The following ADPRHL1 variants were observed in gnomAD, a reference collection of about 807,000 sequenced individuals.
The protein encoded by ADPRHL1 is ADP-ribosylhydrolase like 1, also known as inactive ADP-ribosyltransferase ARH2.
A neutral mutation model predicts 44.1 loss-of-function variants in ADPRHL1; 43 were observed. The ratio of observed to expected loss-of-function variants is 0.98; its 90% confidence interval spans 0.76 to 1.26. The LOEUF (loss-of-function observed/expected upper bound fraction) is 1.26. Ranked by LOEUF, ADPRHL1 falls within the 50% of genes most tolerant of loss-of-function variation. The pLI is 0.00. For synonymous variants in ADPRHL1, 878 were observed against 1,017.4 expected, an observed-to-expected ratio of 0.86 and a Z score of 2.61; for missense variants, 2,022 against 2,496.9, an observed-to-expected ratio of 0.81 and a Z score of 4.05.
chr13:113,418,378 C>T (rs12857051), intron 7 of ADPRHL1, among the ~76,000 whole-genome samples: 15,962 of 152,208 alleles, frequency 0.1, 907 homozygotes, highest in Non-Finnish European at 0.12. Flanking sequence ...GTGCTCTGAG[C>T]GGCTGCCCTG....
chr13:113,444,842 C>G (rs766762513), intron 1 of ADPRHL1, among the ~76,000 whole-genome samples: 19 of 152,134 alleles, frequency 1.2e-4, no homozygotes, highest in Non-Finnish European at 2.2e-4. Context: ...CCAGGATGGT[C>G]TCGATCTCCT....
intron 7 of ADPRHL1, among the ~76,000 whole-genome samples, chr13:113,416,863 C>T (rs1199163114): frequency 6.6e-6 from 1 of 152,176 alleles, no homozygotes; most frequent in Non-Finnish European, 1.5e-5. Context: ...AGGTTATTCT[C>T]AAATGTTTCA....
At chr13:113,420,193 T>C (rs2043908370) in intron 7 of ADPRHL1, among the ~76,000 whole-genome samples, 2 of 152,204 alleles carry the variant, frequency 1.3e-5, no homozygotes, top group Non-Finnish European at 1.5e-5. Flanking sequence ...GTCCCCTCAG[T>C]GCTTTCTTTG....
intron 1 of ADPRHL1, among the ~76,000 whole-genome samples, chr13:113,450,700 A>AT (rs2044172224): frequency 6.6e-6 from 1 of 152,168 alleles, no homozygotes; most frequent in African/African-American, 2.4e-5. Flanking sequence ...AGCTTATGCC[A>AT]TTATTTCTGC....
At chr13:113,442,001 C>T (rs1408643749) in intron 2 of ADPRHL1, among the ~76,000 whole-genome samples, 6 of 152,282 alleles carry the variant, frequency 3.9e-5, no homozygotes, top group South Asian at 2.1e-4. Context: ...TCCTGTGGCG[C>T]GGGTCTCTGT....
At position 113,421,333 on chromosome 13, in the gene ADPRHL1, A is replaced by AC. The variant is rs141721455; in HGVS notation, c.1061+1492dup. Among the ~76,000 whole-genome samples the AC allele has an allele frequency of 2.5e-3, 103 of 40,568 alleles. 1 individual carries two copies. The highest frequency in any genetic ancestry group is 0.024 in the Middle Eastern group (1 of 42). The allele number at this position is 40,568 out of a possible 152,430, so 26.6% of individuals were successfully genotyped here. ...GACACGCCCACCCCGGGACACGCCCACCCCCGGGACACGCCCACTCCCGGG... is the reference window on the plus strand; with the variant it reads ...GACACGCCCACCCCGGGACACGCCCACCCCCCGGGACACGCCCACTCCCGGG... On this transcript the variant is annotated intron_variant, in intron 7 of 7. Transcript: ENST00000612156.
At chr13:113,437,065 C>T (rs1247678738) in intron 2 of ADPRHL1, among the ~76,000 whole-genome samples, 6 of 140,844 alleles carry the variant, frequency 4.3e-5, no homozygotes, top group South Asian at 2.3e-4. Context: ...AGGTGTACCC[C>T]GGGACCCAGC....
At chr13:113,412,034 G>A (rs2043855929) in intron 7 of ADPRHL1, among the ~76,000 whole-genome samples, 1 of 152,188 alleles carries the variant, frequency 6.6e-6, no homozygotes, top group African/African-American at 2.4e-5. Context: ...CCTTGAACCT[G>A]CGGGTGGTTC....
chr13:113,411,338 C>T (rs1222545927), intron 7 of ADPRHL1, among the ~76,000 whole-genome samples: 1 of 152,044 alleles, frequency 6.6e-6, no homozygotes, highest in Non-Finnish European at 1.5e-5. Flanking sequence ...ACTCGGAGCC[C>T]CTTGTCGAGG....
chr13:113,407,968 G>A lies in ADPRHL1; in HGVS notation c.1314C>T (p.Gly438=). The A allele has an allele frequency of 8.1e-7, 1 of 1,232,104 alleles. No individual in the cohort carries two copies. The highest frequency in any genetic ancestry group is 1.0e-6 in the Non-Finnish European group (1 of 988,030). 76.3% of individuals were successfully genotyped at this position (1,232,104 alleles called of 1,614,324 possible). A position where few individuals can be genotyped will look rare whatever the true frequency, so the allele number is the denominator to read the frequency against. Residue 438 remains glycine, a synonymous_variant, in exon 8 of 8, where the codon GGC becomes GGT. Transcript: ENST00000612156. ...TCTTGAGGTAGCGCTCCCGGCCAGT[G>A]CCCAGGAACTTGGCCTGCAGGAGCT... The part of the protein sequence containing the change: ...RFQLLQAKFL[G]TGRERYLKRT...
chr13:113,426,407 G>A (rs774797310), intron 4 of ADPRHL1, among the ~76,000 whole-genome samples: 2 of 152,248 alleles, frequency 1.3e-5, no homozygotes, highest in South Asian at 2.1e-4. Flanking sequence ...CACGTGTGCC[G>A]ATCACATGAG....
intron 2 of ADPRHL1, among the ~76,000 whole-genome samples, chr13:113,435,433 C>A (rs1595551196): frequency 7.6e-6 from 1 of 132,258 alleles, no homozygotes; most frequent in African/African-American, 3.0e-5. Context: ...ACCCCGGGAC[C>A]CAGCACCCAG....
chr13:113,446,001 C>A (rs1355733973), intron 1 of ADPRHL1, among the ~76,000 whole-genome samples: 11 of 144,758 alleles, frequency 7.6e-5, no homozygotes, highest in Non-Finnish European at 1.0e-4. Flanking sequence ...TGCACACCCC[C>A]CAGAGAGAGT....
At chr13:113,412,579 C>T (rs933431622) in intron 7 of ADPRHL1, among the ~76,000 whole-genome samples, 1 of 152,246 alleles carries the variant, frequency 6.6e-6, no homozygotes, top group Non-Finnish European at 1.5e-5. Flanking sequence ...GGGCGGGACC[C>T]CTGTTGGTTC....
In ADPRHL1 at chr13:113,410,404, G is replaced by T. The variant is rs150809185; in HGVS notation, c.1062-2184C>A. On this transcript the variant is annotated intron_variant, in intron 7 of 7. Transcript: ENST00000612156. ...ACGAGTCCCTGGTGATTCCGAGGCC[G>T]CTGGTCCGGGGACCCCACTCGGAAC... is the stretch of plus-strand genomic sequence containing the variant. 4.3e-4 allele frequency among the ~76,000 whole-genome samples: 65 copies of T among 152,286 alleles called. No individual in the cohort carries two copies. The East Asian group carries it at 0.012, about 28-fold the overall frequency.
intron 1 of ADPRHL1, among the ~76,000 whole-genome samples, chr13:113,450,604 T>C (rs928081080): frequency 6.6e-6 from 1 of 151,996 alleles, no homozygotes. Context: ...GTAGGTAAGG[T>C]CATGTGGGTC....
At chr13:113,435,981 A>G (rs71449009) in intron 2 of ADPRHL1, among the ~76,000 whole-genome samples, 6 of 148,474 alleles carry the variant, frequency 4.0e-5, no homozygotes, top group East Asian at 2.1e-4. Context: ...CCCGGGACCC[A>G]GCACCCACAT....
Position 113,433,818 on chromosome 13 carries a change from G to A in ADPRHL1, c.429C>T (p.Tyr143=), listed in dbSNP as rs780446574. The A allele has an allele frequency of 1.3e-6, 2 of 1,581,140 alleles. No homozygotes were observed. The highest frequency in any genetic ancestry group is 4.7e-5 in the East Asian group (2 of 42,820). ...GGGTCTCCAGCCGCTCAGGCTTCCAGTACCGCAGGCCGATGCACATGGCCT... is the reference window on the plus strand; with the variant it reads ...GGGTCTCCAGCCGCTCAGGCTTCCAATACCGCAGGCCGATGCACATGGCCT... The part of the protein sequence containing the change: ...ATKAMCIGLR[Y]WKPERLETLI... Residue 143 remains tyrosine (Y), a synonymous_variant, in exon 3 of 8, where the codon TAC becomes TAT. Transcript: ENST00000612156.
At chr13:113,437,230 C>T (rs1355167522) in intron 2 of ADPRHL1, among the ~76,000 whole-genome samples, 28 of 145,326 alleles carry the variant, frequency 1.9e-4, no homozygotes. Flanking sequence ...CACAGGTGTA[C>T]CCCGGGACCC....
Sources: allele counts gnomAD v4.1 joint callset (sites outside exome capture counted in the v4.1 genomes callset), GRCh38; gene constraint gnomAD v4.1.1; transcripts MANE v1.5; gene names NCBI Gene and HGNC (gene_info 2026-07-23, HGNC 2026-07-21).